Variants in TNPO3 observed in about 807,000 individuals in gnomAD.
TNPO3 encodes the protein transportin-3.
TNPO3 carries 65 observed loss-of-function variants against 122.8 expected under a neutral mutation model. The ratio of observed to expected loss-of-function variants is 0.53; its 90% confidence interval spans 0.43 to 0.65. The LOEUF is 0.65. Ranked by LOEUF, TNPO3 falls within the 30% of genes least tolerant of loss-of-function variation. The pLI is 0.00. For missense variants in TNPO3, 850 were observed against 1,136.7 expected (o/e 0.75, Z 3.63); for synonymous variants, 372 against 411.2 (o/e 0.90, Z 1.15).
At chr7:129,023,670 A>G (rs1357930884) in intron 1 of TNPO3, among the ~76,000 whole-genome samples, 3 of 152,200 alleles carry the variant, frequency 2.0e-5, no homozygotes, top group Non-Finnish European at 4.4e-5. Context: ...GGATACAAGG[A>G]AAAAACAAAC....
At chr7:128,981,073 T>C (rs1013467840) in intron 14 of TNPO3, among the ~76,000 whole-genome samples, 18 of 152,254 alleles carry the variant, frequency 1.2e-4, no homozygotes, top group African/African-American at 4.3e-4. Flanking sequence ...TTAACTTTAA[T>C]TCAAGTATTT....
At chr7:129,034,761 G>C (rs1806385102) in intron 1 of TNPO3, among the ~76,000 whole-genome samples, 1 of 150,932 alleles carries the variant, frequency 6.6e-6, no homozygotes, top group Admixed American at 6.6e-5. Flanking sequence ...TGGGCATGGT[G>C]GTGGGCGCCT....
chr7:129,005,811 T>C (rs1452025454), intron 4 of TNPO3, among the ~76,000 whole-genome samples: 1 of 149,222 alleles, frequency 6.7e-6, no homozygotes, highest in Non-Finnish European at 1.5e-5. Context: ...AGATGGAGTA[T>C]TGCTCTGTTG....
At chr7:128,997,993 A>C in intron 7 of TNPO3, among the ~76,000 whole-genome samples, 1 of 148,000 alleles carries the variant, frequency 6.8e-6, no homozygotes. Flanking sequence ...ACACACCACC[A>C]AGCTCAGCTA....
chr7:129,055,995 C>G, upstream of TNPO3: 2 of 853,148 alleles, frequency 2.3e-6, no homozygotes, highest in South Asian at 2.8e-5. Flanking sequence ...TGACACTGAC[C>G]TACAGCGCCT....
chr7:128,989,218 T>TA (rs1800499946), intron 11 of TNPO3, among the ~76,000 whole-genome samples: 1 of 152,104 alleles, frequency 6.6e-6, no homozygotes, highest in Non-Finnish European at 1.5e-5. Flanking sequence ...ATGTATAAAA[T>TA]AAAATCAAGT....
chr7:128,995,944 C>T (rs1801265880), intron 8 of TNPO3, among the ~76,000 whole-genome samples: 1 of 152,208 alleles, frequency 6.6e-6, no homozygotes, highest in Non-Finnish European at 1.5e-5. Context: ...AGTGATCCAC[C>T]CGCCTCGGCC....
At chr7:129,048,193 G>C (rs945357437) in intron 1 of TNPO3, among the ~76,000 whole-genome samples, 2 of 152,094 alleles carry the variant, frequency 1.3e-5, no homozygotes, top group Admixed American at 1.3e-4. Context: ...ACACCTCTGC[G>C]CTCCACAGCC....
At chr7:128,997,948 C>T (rs879903792) in intron 7 of TNPO3, among the ~76,000 whole-genome samples, 1 of 151,958 alleles carries the variant, frequency 6.6e-6, no homozygotes, top group African/African-American at 2.4e-5. Flanking sequence ...AGTGATCCTC[C>T]TGCCTCAGCC....
intron 8 of TNPO3, 91 bp from the exon 9 acceptor site, chr7:128,994,005 G>T: frequency 8.3e-7 from 1 of 1,201,302 alleles, no homozygotes; most frequent in Non-Finnish European, 1.2e-6. Flanking sequence ...AAACCATTAA[G>T]CAGTCAAGTT....
rs748235311 is a variant in TNPO3 at position 128,974,832 on chromosome 7, G to A, written c.2273+36C>T. ...TGGCAAGACTAAGCAGTGATAGGAT[G>A]AGCAATTAAGAAATGGGCTCTTCAG... is the stretch of plus-strand genomic sequence containing the variant. On this transcript the variant is annotated intron_variant, in intron 18 of 22. Coordinates refer to ENST00000265388, the MANE Select transcript of TNPO3 (RefSeq NM_012470.4). 4 of 1,523,154 alleles carry A rather than the reference G, an allele frequency of 2.6e-6. No homozygotes were observed. The South Asian group carries it at 4.5e-5, about 17-fold the overall frequency. 94.4% of individuals were successfully genotyped at this position (1,523,154 alleles called of 1,614,324 possible). A position where few individuals can be genotyped will look rare whatever the true frequency, so the allele number is the denominator to read the frequency against.
chr7:129,004,301 C>T (rs1267685432), intron 5 of TNPO3, among the ~76,000 whole-genome samples: 1 of 152,142 alleles, frequency 6.6e-6, no homozygotes, highest in Non-Finnish European at 1.5e-5. Flanking sequence ...GAAGGAAACC[C>T]TCCAGCAGAA....
intron 1 of TNPO3, among the ~76,000 whole-genome samples, chr7:129,021,492 T>C (rs1804512513): frequency 6.6e-6 from 1 of 151,348 alleles, no homozygotes; most frequent in South Asian, 2.1e-4. Flanking sequence ...GAGACCCCAA[T>C]TGAGGAAAAA....
At chr7:128,962,292 G>C (rs181933248) in intron 21 of TNPO3, among the ~76,000 whole-genome samples, 1 of 151,238 alleles carries the variant, frequency 6.6e-6, no homozygotes. Flanking sequence ...GTGAACCCGG[G>C]AAGTGGAGCT....
chr7:129,047,987 G>C (rs1418573119), intron 1 of TNPO3, among the ~76,000 whole-genome samples: 4 of 152,124 alleles, frequency 2.6e-5, no homozygotes, highest in African/African-American at 9.7e-5. Flanking sequence ...TTGGGAGTCT[G>C]AGGTGAGAGA....
Position 128,993,824 on chromosome 7 carries a change from T to G in TNPO3, c.1249A>C (p.Met417Leu). Residue 417 changes from methionine to leucine, a missense_variant, in exon 9 of 23, where the codon ATG (methionine) becomes CTG (leucine). Met to Leu is a conservative substitution (Grantham distance 15, BLOSUM62 2). Coordinates refer to ENST00000265388, the MANE Select transcript of TNPO3 (RefSeq NM_012470.4). ...VKDLIFLIGS[M>L]ECFAQLYSTL... is the part of the protein sequence containing the mutation. Reference sequence around the variant, plus strand: ...AGGCTTACCTGAGCAAAACACTCCATAGACCCTATCAAGAAAATCAAGTCC... The same window carrying G: ...AGGCTTACCTGAGCAAAACACTCCAGAGACCCTATCAAGAAAATCAAGTCC... 1 of 1,614,006 alleles carries G rather than the reference T, an allele frequency of 6.2e-7. No individual in the cohort carries two copies. The highest frequency in any genetic ancestry group is 8.5e-7 in the Non-Finnish European group (1 of 1,179,948).
intron 5 of TNPO3, among the ~76,000 whole-genome samples, chr7:129,001,548 TG>T (rs1193916951): frequency 6.6e-6 from 1 of 152,174 alleles, no homozygotes; most frequent in Non-Finnish European, 1.5e-5. Flanking sequence ...TTGGAAACTG[TG>T]CACAGAGGGG....
At chr7:128,966,514 C>T (rs1341410359) in intron 21 of TNPO3, among the ~76,000 whole-genome samples, 2 of 152,090 alleles carry the variant, frequency 1.3e-5, no homozygotes, top group African/African-American at 2.4e-5. Flanking sequence ...ACCTTTGATT[C>T]GGTGATTACA....
At chr7:128,992,664 G>A (rs1800866981) in intron 9 of TNPO3, among the ~76,000 whole-genome samples, 1 of 152,108 alleles carries the variant, frequency 6.6e-6, no homozygotes, top group Non-Finnish European at 1.5e-5. Flanking sequence ...CCTACAGAAT[G>A]TGACTAAATA....
Sources: gnomAD v4.1 joint callset for allele counts (sites outside exome capture counted in the v4.1 genomes callset) on GRCh38, gnomAD v4.1.1 for gene constraint, MANE v1.5 for transcripts, NCBI Gene and HGNC (gene_info 2026-07-23, HGNC 2026-07-21) for gene names.